The following ROBO2 variants were observed in gnomAD, a reference collection of about 807,000 sequenced individuals.
ROBO2 encodes roundabout guidance receptor 2.
Under a neutral mutation model 160.8 loss-of-function variants are expected in ROBO2, and 53 were observed. The observed-to-expected ratio is 0.33, with a 90% CI of 0.26 to 0.41. The LOEUF (loss-of-function observed/expected upper bound fraction) is 0.41, where lower values mean the gene tolerates loss of function less well. Among genes scored for constraint, ROBO2 ranks in the 10% least tolerant of loss-of-function variants. The probability of loss-of-function intolerance (pLI) is 1.00; values close to 1 mark genes in which losing one functional copy is unlikely to be tolerated. For synonymous variants in ROBO2, 664 were observed against 611.7 expected (o/e 1.09, Z -1.26); for missense variants, 1,577 against 1,722.4 (o/e 0.92, Z 1.49).
chr3:76,484,150 C>T (rs2079363727), intron 2 of ROBO2, among the ~76,000 whole-genome samples: 1 of 152,046 alleles, frequency 6.6e-6, no homozygotes, highest in Non-Finnish European at 1.5e-5. Flanking sequence ...TTCTGCTTAC[C>T]TATGTGATAA....
chr3:76,010,110 C>G (rs1421159769), intron 2 of ROBO2, among the ~76,000 whole-genome samples: 1 of 152,154 alleles, frequency 6.6e-6, no homozygotes, highest in East Asian at 1.9e-4. Context: ...CCAAGTATGT[C>G]TTTAAAACTT....
chr3:76,675,645 C>T (rs928486363), intron 2 of ROBO2, among the ~76,000 whole-genome samples: 7 of 152,074 alleles, frequency 4.6e-5, no homozygotes, highest in Non-Finnish European at 8.8e-5. Flanking sequence ...GTGTGTCCTA[C>T]GGGACTATGG....
intron 2 of ROBO2, among the ~76,000 whole-genome samples, chr3:77,326,524 T>C (rs1276670263): frequency 6.6e-6 from 1 of 152,216 alleles, no homozygotes; most frequent in East Asian, 1.9e-4. Flanking sequence ...ATTGATCTTG[T>C]TTTGTGTTGT....
At chr3:77,040,768 C>T in exon 1 of ROBO2, 1 of 1,613,776 alleles carries the variant, frequency 6.2e-7, no homozygotes, top group South Asian at 1.1e-5. Context: ...GAATCTGGAT[C>T]CTTTTTAATA....
At chr3:77,073,056 A>G (rs1169381741) in intron 1 of ROBO2, among the ~76,000 whole-genome samples, 4 of 152,316 alleles carry the variant, frequency 2.6e-5, no homozygotes, top group South Asian at 4.1e-4. Context: ...TAGCTTTTGA[A>G]TGGTTTTATG....
intron 6 of ROBO2, among the ~76,000 whole-genome samples, chr3:77,529,123 A>T (rs2091430065): frequency 6.6e-6 from 1 of 151,348 alleles, no homozygotes; most frequent in Non-Finnish European, 1.5e-5. Flanking sequence ...AAAGCATGTT[A>T]TTACATATAA....
chr3:76,668,847 T>C (rs992655386), intron 2 of ROBO2, among the ~76,000 whole-genome samples: 3 of 152,068 alleles, frequency 2.0e-5, no homozygotes, highest in Admixed American at 6.6e-5. Context: ...AAAGTGTAAT[T>C]TGAGAAATAG....
At chr3:75,975,221 A>G (rs2065105293) in intron 2 of ROBO2, among the ~76,000 whole-genome samples, 1 of 151,454 alleles carries the variant, frequency 6.6e-6, no homozygotes, top group Admixed American at 6.6e-5. Flanking sequence ...AAATTGGGTA[A>G]ATAAGGTCTG....
intron 1 of ROBO2, among the ~76,000 whole-genome samples, chr3:77,042,306 C>T (rs2064181722): frequency 6.6e-6 from 1 of 152,170 alleles, no homozygotes; most frequent in East Asian, 1.9e-4. Context: ...AATACGTGTA[C>T]ATTACCGTAA....
Position 76,568,883 on chromosome 3 carries a change from A to G in ROBO2, c.110-529131A>G, listed in dbSNP as rs1560166122. Among the ~76,000 whole-genome samples the G allele has an allele frequency of 3.3e-5, 5 of 152,318 alleles. No individual in the cohort carries two copies. The South Asian group carries it at 1.0e-3, about 32-fold the overall frequency. On this transcript the variant is annotated intron_variant, in intron 2 of 26. Coordinates refer to the ROBO2 transcript ENST00000487694. ...ATGTTCTACTAAATGATGTAAATATATTTTAGAATTGATATGTAAAACCTG... is the reference window on the plus strand; with the variant it reads ...ATGTTCTACTAAATGATGTAAATATGTTTTAGAATTGATATGTAAAACCTG...
chr3:76,949,535 T>C (rs75696984), intron 2 of ROBO2, among the ~76,000 whole-genome samples: 1 of 152,124 alleles, frequency 6.6e-6, no homozygotes, highest in Admixed American at 6.5e-5. Flanking sequence ...CTATTTAAGG[T>C]GTCCAAGACC....
intron 2 of ROBO2, among the ~76,000 whole-genome samples, chr3:76,109,950 T>C (rs949391287): frequency 2.0e-5 from 3 of 151,970 alleles, no homozygotes; most frequent in African/African-American, 7.2e-5. Flanking sequence ...TCACTTAAGA[T>C]GATAGCCTCC....
chr3:76,181,835 G>A (rs537053235), intron 2 of ROBO2, among the ~76,000 whole-genome samples: 3 of 151,988 alleles, frequency 2.0e-5, no homozygotes, highest in African/African-American at 7.2e-5. Context: ...TCTGTAGAGG[G>A]AGTATGTTCA....
At chr3:76,889,575 A>G (rs1016170065) in intron 2 of ROBO2, among the ~76,000 whole-genome samples, 8 of 152,220 alleles carry the variant, frequency 5.3e-5, no homozygotes. Context: ...ACATTGGAAT[A>G]ATAATATGGT....
chr3:76,434,788 A>T (rs1315599525), intron 2 of ROBO2: 9 of 1,318,596 alleles, frequency 6.8e-6, no homozygotes, highest in Non-Finnish European at 9.9e-6. Context: ...CAGATTAATC[A>T]GGGGGAGAGC....
At chr3:77,123,822 ATC>A (rs1327043120) in intron 2 of ROBO2, among the ~76,000 whole-genome samples, 1 of 149,346 alleles carries the variant, frequency 6.7e-6, no homozygotes, top group Non-Finnish European at 1.5e-5. Flanking sequence ...AGATACACAT[ATC>A]TATATACATA....
intron 2 of ROBO2, among the ~76,000 whole-genome samples, chr3:76,752,361 C>T (rs887489096): frequency 2.0e-5 from 3 of 151,098 alleles, no homozygotes; most frequent in Non-Finnish European, 4.4e-5. Flanking sequence ...GTGGGTGCAG[C>T]ACACCAACAT....
intron 2 of ROBO2, among the ~76,000 whole-genome samples, chr3:77,212,673 C>A (rs2084342662): frequency 6.6e-6 from 1 of 152,126 alleles, no homozygotes; most frequent in Admixed American, 6.6e-5. Flanking sequence ...GGGAATGCTT[C>A]CAGTTTTTGC....
intron 2 of ROBO2, among the ~76,000 whole-genome samples, chr3:76,348,144 C>G (rs1180685898): frequency 6.6e-6 from 1 of 150,902 alleles, no homozygotes; most frequent in Non-Finnish European, 1.5e-5. Flanking sequence ...GTCTCACACA[C>G]AGTCAGTATC....
Sources: allele counts gnomAD v4.1 joint callset (sites outside exome capture counted in the v4.1 genomes callset), GRCh38; gene constraint gnomAD v4.1.1; transcripts MANE v1.5; gene names NCBI Gene and HGNC (gene_info 2026-07-23, HGNC 2026-07-21).